Variants in RIC1 observed in about 807,000 individuals in gnomAD.
RIC1 encodes the protein RIC1 partner of RAB6A GEF complex.
In RIC1, 88 loss-of-function variants were observed where a neutral mutation model predicts 169.0. The ratio of observed to expected loss-of-function variants is 0.52; its 90% CI spans 0.44 to 0.62. The LOEUF is 0.62. Among genes scored for constraint, RIC1 ranks in the 20% least tolerant of loss-of-function variants. The pLI is 0.00. For missense variants in RIC1, 1,877 were observed against 1,725.5 expected (o/e 1.09, Z -1.56); for synonymous variants, 790 against 601.5 (o/e 1.31, Z -4.59).
chr9:5,638,855 G>T (rs1187360845), intron 1 of RIC1, among the ~76,000 whole-genome samples: 2 of 151,910 alleles, frequency 1.3e-5, no homozygotes, highest in Non-Finnish European at 1.5e-5. Flanking sequence ...TACTAATTTT[G>T]GGTTGTTTGC....
chr9:5,713,916 G>A lies in RIC1; in HGVS notation c.353G>A (p.Gly118Glu), dbSNP rs1218357767. Residue 118 changes from glycine to glutamate, a missense_variant, in exon 4 of 26, where the codon GGG (glycine) becomes GAG (glutamate). Physicochemically the swap from Gly to Glu is moderately conservative, Grantham distance 98. Transcript: ENST00000414202. ...TTTAGAGGAAGTCCACAAATGAAGG[G>A]GACACCCCATTTTAAGGAAGAACAG... is the stretch of plus-strand genomic sequence containing the variant. ...VYPKGSPQMK[G>E]TPHFKEEQCA... is the part of the protein sequence containing the mutation. 2 of 1,612,630 alleles carry A rather than the reference G, an allele frequency of 1.2e-6. No individual in the cohort carries two copies. The highest frequency in any genetic ancestry group is 2.2e-5 in the South Asian group (2 of 90,970).
At chr9:5,758,131 G>A (rs555872111) in intron 17 of RIC1, among the ~76,000 whole-genome samples, 16 of 152,226 alleles carry the variant, frequency 1.1e-4, no homozygotes, top group African/African-American at 3.9e-4. Flanking sequence ...AAAGGATATG[G>A]AAAGAAGTAG....
downstream of RIC1, among the ~76,000 whole-genome samples, chr9:5,776,938 A>C (rs1471443575): frequency 1.3e-5 from 2 of 152,146 alleles, no homozygotes; most frequent in Non-Finnish European, 2.9e-5. Flanking sequence ...TCCTAATTTC[A>C]GTCTCCATGG....
intron 8 of RIC1, among the ~76,000 whole-genome samples, chr9:5,740,646 G>A (rs969690821): frequency 7.3e-5 from 11 of 150,664 alleles, no homozygotes; most frequent in Non-Finnish European, 4.4e-5. Flanking sequence ...GTAGGCTGGG[G>A]GGCTAGGCCC....
chr9:5,690,153 C>G (rs1184816044), intron 3 of RIC1, 115 bp downstream of exon 3: 10 of 570,534 alleles, frequency 1.8e-5, no homozygotes, highest in Non-Finnish European at 2.9e-5. Context: ...CCAGCATTTC[C>G]CAAATAGTAT....
chr9:5,774,228 CG>C lies in RIC1; in HGVS notation c.4255del (p.Asp1419ThrfsTer18). The C allele has an allele frequency of 6.2e-7, 1 of 1,609,496 alleles. No individual in the cohort carries two copies. ...AAGAACCTTTTCAGGATGGGACTTA[CG>C]ACTGTTCTGTGTCCTAACAGTGAGG... is the stretch of plus-strand genomic sequence containing the variant. Reference protein sequence around the residue: ...EEEPFQDGTYDCSVS With the variant: ...EEEPFQDGTYXCSVS On this transcript the variant is annotated frameshift_variant, in exon 26 of 26. Transcript: ENST00000414202. LOFTEE classifies it high-confidence loss of function.
chr9:5,657,315 C>T (rs1819159902), intron 2 of RIC1, among the ~76,000 whole-genome samples: 1 of 151,632 alleles, frequency 6.6e-6, no homozygotes, highest in Admixed American at 6.6e-5. Flanking sequence ...TTTACCTTTT[C>T]AGTTCATGTT....
chr9:5,648,783 G>A (rs1431898542), intron 1 of RIC1, among the ~76,000 whole-genome samples: 1 of 152,070 alleles, frequency 6.6e-6, no homozygotes, highest in Non-Finnish European at 1.5e-5. Flanking sequence ...CTCTTTTGAT[G>A]TACCTGTTGG....
chr9:5,651,182 C>T (rs560317981), intron 1 of RIC1, among the ~76,000 whole-genome samples: 1 of 152,140 alleles, frequency 6.6e-6, no homozygotes, highest in African/African-American at 2.4e-5. Context: ...GGGTATCTCT[C>T]ATTTACCTTT....
rs1190397100 is a variant in RIC1, at chr9:5,732,497, T to G, written c.812+18T>G. 1 of 1,536,672 alleles carries G rather than the reference T, an allele frequency of 6.5e-7. No individual in the cohort carries two copies. Among genetic ancestry groups the G allele is most frequent in the Non-Finnish European group, 8.8e-7 (1 of 1,134,728 alleles). On this transcript the variant is annotated intron_variant, in intron 7 of 25. Coordinates refer to ENST00000414202, the MANE Select transcript of RIC1 (RefSeq NM_020829.4). ...TGTGTGAGGTATAATTGATGTAGGC[T>G]TTTGCATTTTTAAGAGTTGTTGCAA...
At chr9:5,743,762 G>A in intron 10 of RIC1, 25 bp downstream of exon 10, 1 of 1,542,900 alleles carries the variant, frequency 6.5e-7, no homozygotes, top group African/African-American at 1.4e-5. Context: ...TAAAAAATTG[G>A]CATGGTATTA....
intron 3 of RIC1, among the ~76,000 whole-genome samples, chr9:5,708,199 T>C (rs72693717): frequency 0.021 from 3,134 of 152,306 alleles, 37 homozygotes; most frequent in Non-Finnish European, 0.025. Context: ...CTCTCCCTTT[T>C]TATGTTGTTG....
chr9:5,755,509 AGACCATGGTT>A (rs1386161516), intron 15 of RIC1, among the ~76,000 whole-genome samples: 11 of 152,258 alleles, frequency 7.2e-5, no homozygotes, highest in African/African-American at 2.7e-4. Flanking sequence ...ACCTATTTTC[AGACCATGGTT>A]GACTGTAGAT....
intron 2 of RIC1, among the ~76,000 whole-genome samples, chr9:5,688,808 A>G (rs1188920120): frequency 6.6e-6 from 1 of 152,150 alleles, no homozygotes; most frequent in East Asian, 1.9e-4. Context: ...TTCTACTTTG[A>G]GTACATGCCC....
At chr9:5,703,261 A>G (rs569282229) in intron 3 of RIC1, among the ~76,000 whole-genome samples, 1 of 152,338 alleles carries the variant, frequency 6.6e-6, no homozygotes, top group African/African-American at 2.4e-5. Context: ...AAAGGGAAGA[A>G]TCAGCCAAAA....
chr9:5,683,794 C>G (rs1014899834), intron 2 of RIC1, among the ~76,000 whole-genome samples: 1 of 152,184 alleles, frequency 6.6e-6, no homozygotes, highest in Non-Finnish European at 1.5e-5. Flanking sequence ...TGGGCTCCAC[C>G]CAGTTCAACT....
At chr9:5,629,936 C>T (rs1363973283) in intron 1 of RIC1, among the ~76,000 whole-genome samples, 1 of 152,242 alleles carries the variant, frequency 6.6e-6, no homozygotes, top group African/African-American at 2.4e-5. Flanking sequence ...TAACTTATTT[C>T]TACAAACTAC....
intron 3 of RIC1, among the ~76,000 whole-genome samples, chr9:5,704,244 C>T (rs1161771722): frequency 6.6e-6 from 1 of 150,610 alleles, no homozygotes; most frequent in African/African-American, 2.4e-5. Context: ...TTAAAGAAAG[C>T]TTCTTGCTCT....
At chr9:5,700,401 A>G (rs1450649756) in intron 3 of RIC1, among the ~76,000 whole-genome samples, 10 of 152,152 alleles carry the variant, frequency 6.6e-5, no homozygotes, top group Non-Finnish European at 1.5e-4. Flanking sequence ...ATATTTATTT[A>G]GAGTTTACTT....
Sources: gnomAD v4.1 joint callset for allele counts (sites outside exome capture counted in the v4.1 genomes callset) on GRCh38, gnomAD v4.1.1 for gene constraint, MANE v1.5 for transcripts, NCBI Gene and HGNC (gene_info 2026-07-23, HGNC 2026-07-21) for gene names.